CDS1: variants seen among roughly 807,000 people sequenced by gnomAD.
CDS1 encodes the protein phosphatidate cytidylyltransferase 1.
CDS1 carries 41 observed loss-of-function variants against 62.1 expected under a neutral mutation model. The ratio of observed to expected loss-of-function variants is 0.66; its 90% CI spans 0.51 to 0.86. The LOEUF (loss-of-function observed/expected upper bound fraction) is 0.86, where lower values mean the gene tolerates loss of function less well. Among genes scored for constraint, CDS1 ranks in the 40% least tolerant of loss-of-function variants. The probability of loss-of-function intolerance (pLI) is 0.00; values close to 1 mark genes in which losing one functional copy is unlikely to be tolerated. For synonymous variants in CDS1, 185 were observed against 192.6 expected, an observed-to-expected ratio of 0.96 and a Z score of 0.32; for missense variants, 470 against 550.1, an observed-to-expected ratio of 0.85 and a Z score of 1.46.
chr4:84,626,176 C>T (rs1013259475), intron 5 of CDS1, among the ~76,000 whole-genome samples: 5 of 151,652 alleles, frequency 3.3e-5, no homozygotes, highest in Non-Finnish European at 5.9e-5. Flanking sequence ...TCAAAAAAAA[C>T]AAACAAACAA....
rs1488215475 is a variant in CDS1, at chr4:84,641,002, G to A, written c.1032+12G>A. The A allele has an allele frequency of 4.6e-6, 7 of 1,522,044 alleles. No individual in the cohort carries two copies. Among genetic ancestry groups the A allele is most frequent in the Non-Finnish European group, 6.2e-6 (7 of 1,134,208 alleles). 94.3% of individuals were successfully genotyped at this position (1,522,044 alleles called of 1,614,324 possible). ...CAGTCTTGAGACAGGTACAGTAAAA[G>A]TTCAAGATAAACATGGTTAGAGATC... On this transcript the variant is annotated intron_variant, in intron 10 of 12. Coordinates refer to ENST00000295887, the MANE Select transcript of CDS1 (RefSeq NM_001263.4).
chr4:84,635,485 GA>G, intron 8 of CDS1, 134 bp downstream of exon 8: 1 of 695,968 alleles, frequency 1.4e-6, no homozygotes, highest in Non-Finnish European at 2.5e-6. Flanking sequence ...GCATGGTGCA[GA>G]AGCAGCAAAC....
At chr4:84,639,279 A>G (rs1724308650) in intron 9 of CDS1, among the ~76,000 whole-genome samples, 2 of 152,046 alleles carry the variant, frequency 1.3e-5, no homozygotes, top group African/African-American at 4.8e-5. Flanking sequence ...TTGCTGACTT[A>G]CTGTTGTGCT....
chr4:84,631,706 G>C (rs1400823775), intron 5 of CDS1, 113 bp from the exon 6 acceptor site: 1 of 780,374 alleles, frequency 1.3e-6, no homozygotes, highest in Non-Finnish European at 2.3e-6. Flanking sequence ...ATCTGAGTAA[G>C]TAGCTAAAAT....
chr4:84,630,207 G>C (rs1723977959), intron 5 of CDS1, among the ~76,000 whole-genome samples: 1 of 152,098 alleles, frequency 6.6e-6, no homozygotes, highest in African/African-American at 2.4e-5. Context: ...TCATACAATT[G>C]GTAATTTTGA....
Position 84,593,506 on chromosome 4 carries a change from G to GTT in CDS1, c.117+9997_117+9998dup, listed in dbSNP as rs34657842. 2.0e-3 allele frequency among the ~76,000 whole-genome samples: 304 copies of GTT among 149,150 alleles called. 3 individuals carry two copies. The highest frequency in any genetic ancestry group is 6.3e-3 in the African/African-American group (257 of 40,640). Reference sequence around the variant, plus strand: ...CAGCAGCAGTTACAAGGTTTTTTTTGTTTTTTTTTTCTCGTTTAGATAGAG... The same window carrying GTT: ...CAGCAGCAGTTACAAGGTTTTTTTTGTTTTTTTTTTTTCTCGTTTAGATAGAG... On this transcript the variant is annotated intron_variant, in intron 1 of 12. Transcript: ENST00000295887.
intron 1 of CDS1, among the ~76,000 whole-genome samples, 166 bp downstream of exon 1, chr4:84,583,684 C>T (rs763566276): frequency 1.3e-5 from 2 of 152,084 alleles, no homozygotes; most frequent in Non-Finnish European, 2.9e-5. Context: ...CAGAGGGGGT[C>T]GGGACCCGGG....
intron 1 of CDS1, among the ~76,000 whole-genome samples, chr4:84,590,493 CT>C (rs1722561442): frequency 6.6e-6 from 1 of 152,134 alleles, no homozygotes; most frequent in Admixed American, 6.6e-5. Context: ...AGTTCATTTT[CT>C]TATTATTTTG....
chr4:84,609,167 C>T (rs865903890), intron 2 of CDS1, among the ~76,000 whole-genome samples: 14 of 129,728 alleles, frequency 1.1e-4, no homozygotes, highest in South Asian at 4.6e-4. Context: ...TGCGACAGAG[C>T]GAGACTCCGT....
At chr4:84,619,793 AAGGCTGAGGC>A (rs1197479715) in intron 5 of CDS1, among the ~76,000 whole-genome samples, 1 of 151,942 alleles carries the variant, frequency 6.6e-6, no homozygotes, top group African/African-American at 2.4e-5. Flanking sequence ...AGCACTTTGG[AAGGCTGAGGC>A]AGGTGGAACA....
In CDS1 at chr4:84,583,286, C is replaced by T. The variant is rs896288662; in HGVS notation, c.-116C>T. On this transcript the variant is annotated 5_prime_UTR_variant, in exon 1 of 13. Coordinates refer to ENST00000295887, the MANE Select transcript of CDS1 (RefSeq NM_001263.4). ...GGGGCCGCGTTAGTGGCTGCGGCTC[C>T]GCGGGACTCCAGGGCGCGGCTGCGA... 2.9e-6 allele frequency: 2 copies of T among 693,560 alleles called. No homozygotes were observed. Among genetic ancestry groups the T allele is most frequent in the Non-Finnish European group, 4.8e-6 (2 of 416,506 alleles). The allele number at this position is 693,560 out of a possible 1,614,324, so 43.0% of individuals were successfully genotyped here.
rs865879465 is a variant in CDS1 at position 84,651,274 on chromosome 4, A to G, written c.*2588A>G. 2 of 152,256 alleles carry G rather than the reference A, an allele frequency of 1.3e-5. No homozygotes were observed. The highest frequency in any genetic ancestry group is 1.9e-4 in the East Asian group (1 of 5,206). 9.4% of individuals were successfully genotyped at this position (152,256 alleles called of 1,614,324 possible). A position where few individuals can be genotyped will look rare whatever the true frequency, so the allele number is the denominator to read the frequency against. On this transcript the variant is annotated 3_prime_UTR_variant, in exon 13 of 13. Transcript: ENST00000295887. Reference sequence around the variant, plus strand: ...GGGTGATAGCTTATGATGTGTGTCAATCAGTTCTCTGAATCTTTTACTGAA... The same window carrying G: ...GGGTGATAGCTTATGATGTGTGTCAGTCAGTTCTCTGAATCTTTTACTGAA...
chr4:84,586,319 A>G (rs1017211609), intron 1 of CDS1, among the ~76,000 whole-genome samples: 2 of 152,212 alleles, frequency 1.3e-5, no homozygotes, highest in African/African-American at 4.8e-5. Context: ...ATATAATGAA[A>G]TAATTATACA....
At chr4:84,600,526 A>G (rs1722904200) in intron 1 of CDS1, among the ~76,000 whole-genome samples, 1 of 152,184 alleles carries the variant, frequency 6.6e-6, no homozygotes, top group Non-Finnish European at 1.5e-5. Flanking sequence ...GTATGGATCA[A>G]GGTTTTTTGT....
At chr4:84,599,504 A>G (rs1722869926) in intron 1 of CDS1, among the ~76,000 whole-genome samples, 1 of 145,654 alleles carries the variant, frequency 6.9e-6, no homozygotes, top group Non-Finnish European at 1.5e-5. Context: ...ATCACCACTA[A>G]AAGTTTGCCC....
chr4:84,597,145 G>A (rs1175858226), intron 1 of CDS1, among the ~76,000 whole-genome samples: 1 of 152,180 alleles, frequency 6.6e-6, no homozygotes, highest in African/African-American at 2.4e-5. Flanking sequence ...GATTGGATTA[G>A]TAAAGTGGTA....
chr4:84,614,602 A>G (rs1723430251), intron 3 of CDS1, among the ~76,000 whole-genome samples: 1 of 152,222 alleles, frequency 6.6e-6, no homozygotes, highest in Non-Finnish European at 1.5e-5. Context: ...TATAGTTCAT[A>G]CTCAAAATGA....
intron 9 of CDS1, among the ~76,000 whole-genome samples, 177 bp from the exon 10 acceptor site, chr4:84,640,661 C>T (rs575089069): frequency 6.6e-6 from 1 of 152,068 alleles, no homozygotes; most frequent in East Asian, 1.9e-4. Flanking sequence ...AAGTCTTTTA[C>T]TAGGATAATT....
chr4:84,626,465 T>TA, intron 5 of CDS1, among the ~76,000 whole-genome samples: 1 of 152,350 alleles, frequency 6.6e-6, no homozygotes, highest in Middle Eastern at 3.4e-3. Flanking sequence ...TTTTGTTTGT[T>TA]ATTTTGAGAC....
Sources: gnomAD v4.1 joint callset for allele counts (sites outside exome capture counted in the v4.1 genomes callset) on GRCh38, gnomAD v4.1.1 for gene constraint, MANE v1.5 for transcripts, NCBI Gene and HGNC (gene_info 2026-07-23, HGNC 2026-07-21) for gene names.